Variants in ATXN8OS observed in about 807,000 individuals in gnomAD.
ATXN8OS encodes the protein ATXN8 opposite strand lncRNA.
At chr13:70,137,975 A>G (rs529472750) in intron 3 of ATXN8OS, among the ~76,000 whole-genome samples, 2 of 152,300 alleles carry the variant, frequency 1.3e-5, no homozygotes, top group Middle Eastern at 3.4e-3. Context: ...GGGGATAGAG[A>G]GAGCAAAGGG....
chr13:70,121,215 A>AT, intron 2 of ATXN8OS, among the ~76,000 whole-genome samples: 1 of 152,094 alleles, frequency 6.6e-6, no homozygotes, highest in Admixed American at 6.5e-5. Context: ...AATGATCAAC[A>AT]TAAGAGCAGG....
At chr13:70,160,604 T>C (rs1248593739) in intron 4 of ATXN8OS, among the ~76,000 whole-genome samples, 2 of 150,514 alleles carry the variant, frequency 1.3e-5, no homozygotes, top group Non-Finnish European at 3.0e-5. Flanking sequence ...TGCATGTTTA[T>C]AGTCTTAATT....
intron 1 of ATXN8OS, among the ~76,000 whole-genome samples, chr13:70,110,311 T>G (rs925869599): frequency 1.3e-5 from 2 of 152,090 alleles, no homozygotes; most frequent in Non-Finnish European, 2.9e-5. Context: ...AATATATAAG[T>G]TTGAAAAAAT....
chr13:70,136,217 T>C (rs1888611943), intron 3 of ATXN8OS, among the ~76,000 whole-genome samples: 1 of 152,198 alleles, frequency 6.6e-6, no homozygotes, highest in Admixed American at 6.5e-5. Flanking sequence ...TATGAAATAA[T>C]ATTCTCCTAA....
chr13:70,166,503 A>C (rs9529685), intron 4 of ATXN8OS, among the ~76,000 whole-genome samples: 71,637 of 151,300 alleles, frequency 0.47, 20,131 homozygotes, highest in Non-Finnish European at 0.63. Context: ...ACACCTTATA[A>C]AAAAATTAAT....
At chr13:70,137,019 A>G (rs1360357410) in intron 3 of ATXN8OS, among the ~76,000 whole-genome samples, 1 of 152,182 alleles carries the variant, frequency 6.6e-6, no homozygotes, top group Admixed American at 6.5e-5. Flanking sequence ...TTAACACATG[A>G]GAGAGATCTG....
intron 4 of ATXN8OS, among the ~76,000 whole-genome samples, chr13:70,153,620 A>T (rs1420098118): frequency 6.6e-6 from 1 of 152,144 alleles, no homozygotes; most frequent in African/African-American, 2.4e-5. Context: ...AAATTTTGGA[A>T]TTAGCATAAT....
At chr13:70,121,517 G>T (rs976832078) in intron 2 of ATXN8OS, among the ~76,000 whole-genome samples, 1 of 151,982 alleles carries the variant, frequency 6.6e-6, no homozygotes, top group South Asian at 2.1e-4. Flanking sequence ...TGAATCATCC[G>T]GAAATATTTT....
intron 4 of ATXN8OS, among the ~76,000 whole-genome samples, chr13:70,147,917 A>G (rs1256202995): frequency 6.6e-6 from 1 of 152,170 alleles, no homozygotes; most frequent in African/African-American, 2.4e-5. Flanking sequence ...TAAAGCATAT[A>G]TTCATTTGGC....
chr13:70,136,753 T>G (rs989894711), intron 3 of ATXN8OS, among the ~76,000 whole-genome samples: 3 of 152,128 alleles, frequency 2.0e-5, no homozygotes, highest in African/African-American at 7.2e-5. Context: ...TTTAATAGGT[T>G]TTAATATATA....
chr13:70,122,613 G>A (rs1014640304), intron 2 of ATXN8OS, among the ~76,000 whole-genome samples: 2 of 151,860 alleles, frequency 1.3e-5, no homozygotes, highest in Non-Finnish European at 2.9e-5. Flanking sequence ...TTCTTCTAAT[G>A]TTTATAAAAG....
At chr13:70,131,698 C>A (rs1369288156) in intron 3 of ATXN8OS, among the ~76,000 whole-genome samples, 1 of 152,106 alleles carries the variant, frequency 6.6e-6, no homozygotes, top group African/African-American at 2.4e-5. Context: ...TTTTCCCTTG[C>A]TGTATACTTT....
At chr13:70,160,118 C>T (rs951496492) in intron 4 of ATXN8OS, among the ~76,000 whole-genome samples, 2 of 152,040 alleles carry the variant, frequency 1.3e-5, no homozygotes, top group Admixed American at 1.3e-4. Flanking sequence ...AATGGCTGTA[C>T]CATTTTTCAT....
intron 2 of ATXN8OS, among the ~76,000 whole-genome samples, chr13:70,126,992 T>C (rs1387156272): frequency 6.6e-6 from 1 of 151,884 alleles, no homozygotes; most frequent in Non-Finnish European, 1.5e-5. Flanking sequence ...AACTATAATA[T>C]GTTTTGGATT....
At chr13:70,132,926 G>C (rs1389521968) in intron 3 of ATXN8OS, among the ~76,000 whole-genome samples, 3 of 151,904 alleles carry the variant, frequency 2.0e-5, no homozygotes, top group African/African-American at 7.3e-5. Context: ...ATGTGACTCT[G>C]TCACCTAAGT....
intron 4 of ATXN8OS, among the ~76,000 whole-genome samples, chr13:70,149,421 C>T (rs1257637902): frequency 2.6e-5 from 4 of 151,920 alleles, no homozygotes; most frequent in Admixed American, 6.6e-5. Flanking sequence ...TTAGAGACAT[C>T]GTCAATCATT....
At chr13:70,164,055 CTTATTATTA>C (rs56827181) in intron 4 of ATXN8OS, among the ~76,000 whole-genome samples, 99 of 29,092 alleles carry the variant, frequency 3.4e-3, no homozygotes, top group African/African-American at 7.6e-3. Context: ...AGTTTTTATT[CTTATTATTA>C]TTATTATTAT....
intron 4 of ATXN8OS, among the ~76,000 whole-genome samples, chr13:70,169,383 A>C (rs1889117187): frequency 6.6e-6 from 1 of 151,932 alleles, no homozygotes; most frequent in Admixed American, 6.6e-5. Context: ...TGCAACCTCC[A>C]CCTGCTGGGT....
intron 1 of ATXN8OS, among the ~76,000 whole-genome samples, chr13:70,109,111 A>G (rs935589976): frequency 4.6e-5 from 7 of 152,236 alleles, no homozygotes; most frequent in Admixed American, 4.6e-4. Flanking sequence ...TACATAAATC[A>G]TTGTATACTA....
Sources: gnomAD v4.1 joint callset for allele counts (sites outside exome capture counted in the v4.1 genomes callset) on GRCh38, gnomAD v4.1.1 for gene constraint, MANE v1.5 for transcripts, NCBI Gene and HGNC (gene_info 2026-07-23, HGNC 2026-07-21) for gene names.